RBFOX2: variants seen among roughly 807,000 people sequenced by gnomAD.
RBFOX2 encodes RNA binding fox-1 homolog 2.
In RBFOX2, 10 loss-of-function variants were observed where a neutral mutation model predicts 49.1. The observed-to-expected ratio is 0.20, with a 90% CI of 0.13 to 0.35. RBFOX2 has a LOEUF of 0.35. Among genes scored for constraint, RBFOX2 ranks in the 10% least tolerant of loss-of-function variants. RBFOX2 has a pLI of 1.00. For synonymous variants in RBFOX2, 183 were observed against 187.4 expected (o/e 0.98, Z 0.19); for missense variants, 323 against 486.9 (o/e 0.66, Z 3.17).
chr22:35,959,532 A>C (rs181529842), intron 1 of RBFOX2, among the ~76,000 whole-genome samples: 1 of 152,344 alleles, frequency 6.6e-6, no homozygotes, highest in Non-Finnish European at 1.5e-5. Context: ...TGCTTCTCAA[A>C]TGTTAGCATG....
At chr22:35,863,032 A>T (rs2043272939) in intron 1 of RBFOX2, among the ~76,000 whole-genome samples, 1 of 152,192 alleles carries the variant, frequency 6.6e-6, no homozygotes. Flanking sequence ...TGGCCTCAAC[A>T]GCAGGCAGAA....
intron 1 of RBFOX2, among the ~76,000 whole-genome samples, chr22:35,960,252 A>C (rs918026741): frequency 1.3e-5 from 2 of 152,192 alleles, no homozygotes; most frequent in African/African-American, 4.8e-5. Flanking sequence ...ATATTAGCTT[A>C]CTTAGTCCTC....
At chr22:35,805,951 A>T (rs893459114) in intron 2 of RBFOX2, among the ~76,000 whole-genome samples, 2 of 152,204 alleles carry the variant, frequency 1.3e-5, no homozygotes, top group African/African-American at 4.8e-5. Flanking sequence ...TAGTTAAAAG[A>T]TCAGTGGTTG....
intron 2 of RBFOX2, among the ~76,000 whole-genome samples, chr22:35,805,062 C>A (rs991763916): frequency 6.6e-6 from 1 of 151,706 alleles, no homozygotes; most frequent in Non-Finnish European, 1.5e-5. Flanking sequence ...CCGAGGCGGG[C>A]GGATCACGAG....
intron 1 of RBFOX2, among the ~76,000 whole-genome samples, chr22:36,016,739 T>C (rs1303841536): frequency 2.6e-5 from 4 of 152,210 alleles, no homozygotes; most frequent in Non-Finnish European, 5.9e-5. Context: ...TTTTAAGCAG[T>C]TATTCCATCA....
intron 2 of RBFOX2, among the ~76,000 whole-genome samples, chr22:35,785,721 C>A (rs1342728192): frequency 6.6e-6 from 1 of 152,174 alleles, no homozygotes; most frequent in Non-Finnish European, 1.5e-5. Flanking sequence ...CTTAAATGTG[C>A]AATGATTCAT....
At chr22:35,992,900 C>T (rs567007986) in intron 1 of RBFOX2, 1 of 152,262 alleles carries the variant, frequency 6.6e-6, no homozygotes, top group East Asian at 1.9e-4. Flanking sequence ...CTCCCTTTCC[C>T]TACTTGGAGG....
chr22:35,917,744 C>T (rs2050586959), intron 1 of RBFOX2, among the ~76,000 whole-genome samples: 1 of 152,182 alleles, frequency 6.6e-6, no homozygotes, highest in South Asian at 2.1e-4. Flanking sequence ...CAAACCAGTG[C>T]TCTTGCTCTT....
intron 2 of RBFOX2, among the ~76,000 whole-genome samples, chr22:35,809,171 T>C (rs1951336504): frequency 6.6e-6 from 1 of 152,150 alleles, no homozygotes; most frequent in Non-Finnish European, 1.5e-5. Context: ...TAAATTCTTT[T>C]AAATTTCCTA....
At chr22:35,985,518 A>T (rs1389324972) in intron 1 of RBFOX2, among the ~76,000 whole-genome samples, 1 of 152,180 alleles carries the variant, frequency 6.6e-6, no homozygotes, top group Non-Finnish European at 1.5e-5. Flanking sequence ...TGCCAAGTGA[A>T]GCCACAAATC....
chr22:35,913,592 C>T (rs375749615), intron 1 of RBFOX2, among the ~76,000 whole-genome samples: 1 of 145,744 alleles, frequency 6.9e-6, no homozygotes, highest in Non-Finnish European at 1.5e-5. Context: ...AGAGATATAC[C>T]GATATATATA....
intron 4 of RBFOX2, among the ~76,000 whole-genome samples, chr22:35,772,777 G>C (rs1190043684): frequency 6.6e-6 from 1 of 152,062 alleles, no homozygotes; most frequent in South Asian, 2.1e-4. Flanking sequence ...TTACATCATC[G>C]AGGACATATA....
chr22:35,930,300 C>T (rs1377565952), intron 1 of RBFOX2, among the ~76,000 whole-genome samples: 3 of 151,684 alleles, frequency 2.0e-5, no homozygotes, highest in African/African-American at 4.8e-5. Context: ...GGATTACAGG[C>T]GTGAGCCACT....
chr22:35,987,650 A>G (rs558819233), intron 1 of RBFOX2, among the ~76,000 whole-genome samples: 1 of 152,218 alleles, frequency 6.6e-6, no homozygotes, highest in African/African-American at 2.4e-5. Context: ...CCTGTCATAA[A>G]GAAGCGTGTG....
chr22:35,789,316 G>C (rs776148936), intron 2 of RBFOX2, among the ~76,000 whole-genome samples: 2 of 152,178 alleles, frequency 1.3e-5, no homozygotes, highest in Admixed American at 1.3e-4. Context: ...GCTGAGGTGG[G>C]TGGATCACCT....
At chr22:35,778,216 A>G (rs1944369839) in intron 3 of RBFOX2, 138 bp from the exon 5 acceptor site, 2 of 705,952 alleles carry the variant, frequency 2.8e-6, no homozygotes, top group Non-Finnish European at 4.7e-6. Flanking sequence ...ATTTGTTAGT[A>G]AGTTCCAATA....
intron 1 of RBFOX2, among the ~76,000 whole-genome samples, chr22:35,950,438 T>C (rs1341026772): frequency 6.6e-6 from 1 of 152,184 alleles, no homozygotes; most frequent in Non-Finnish European, 1.5e-5. Flanking sequence ...TCTTACAGGA[T>C]AAGCAGTTTC....
At chr22:35,805,049 A>G (rs1950457103) in intron 2 of RBFOX2, among the ~76,000 whole-genome samples, 1 of 152,144 alleles carries the variant, frequency 6.6e-6, no homozygotes, top group Non-Finnish European at 1.5e-5. Context: ...GCACTTTGGG[A>G]GGCCGAGGCG....
rs113569302 is a variant in RBFOX2 at position 35,916,875 on chromosome 22, A to AT, written c.-34+21971dup. ...GACACAGAGAGACTCTATCTGAAAAATTTAAAAAAAAAAAAAAAGAGTAAT... is the reference window on the plus strand; with the variant it reads ...GACACAGAGAGACTCTATCTGAAAAATTTTAAAAAAAAAAAAAAAGAGTAAT... On this transcript the variant is annotated intron_variant, in intron 1 of 13. Transcript: ENST00000359369. Among the ~76,000 whole-genome samples, 3 of 151,712 alleles carry AT rather than the reference A, an allele frequency of 2.0e-5. No homozygotes were observed. The South Asian group carries it at 6.3e-4, about 32-fold the overall frequency.
Sources: gnomAD v4.1 joint callset for allele counts (sites outside exome capture counted in the v4.1 genomes callset) on GRCh38, gnomAD v4.1.1 for gene constraint, MANE v1.5 for transcripts, NCBI Gene and HGNC (gene_info 2026-07-23, HGNC 2026-07-21) for gene names.